Variants in TANC1 observed in about 807,000 individuals in gnomAD.
The protein encoded by TANC1 is protein TANC1.
Under a neutral mutation model 149.7 loss-of-function variants are expected in TANC1, and 77 were observed. The ratio of observed to expected loss-of-function variants is 0.51; its 90% confidence interval spans 0.43 to 0.62. The LOEUF (loss-of-function observed/expected upper bound fraction) is 0.62. TANC1 is among the 20% of genes least tolerant of loss of function. The pLI, the probability that TANC1 is intolerant of heterozygous loss-of-function variation, is 0.00. For synonymous variants in TANC1, 854 were observed against 925.0 expected (o/e 0.92, Z 1.39); for missense variants, 1,985 against 2,321.8 (o/e 0.85, Z 2.98).
intron 3 of TANC1, among the ~76,000 whole-genome samples, chr2:159,078,602 T>G (rs1448757090): frequency 6.6e-6 from 1 of 152,200 alleles, no homozygotes; most frequent in East Asian, 1.9e-4. Flanking sequence ...ATTAAACCTC[T>G]TAGAGCTACA....
At chr2:159,138,029 G>T (rs930404639) in intron 5 of TANC1, among the ~76,000 whole-genome samples, 1 of 152,134 alleles carries the variant, frequency 6.6e-6, no homozygotes, top group Non-Finnish European at 1.5e-5. Flanking sequence ...CTTTCTTGAC[G>T]AATGGAAGTG....
chr2:159,172,345 G>C, intron 11 of TANC1, 73 bp downstream of exon 11: 4 of 1,450,630 alleles, frequency 2.8e-6, no homozygotes, highest in Non-Finnish European at 2.8e-6. Flanking sequence ...AAGTAGATTG[G>C]AAAAGGGAGC....
intron 4 of TANC1, among the ~76,000 whole-genome samples, chr2:159,123,763 GTA>G (rs2150110939): frequency 6.6e-6 from 1 of 152,294 alleles, no homozygotes; most frequent in African/African-American, 2.4e-5. Flanking sequence ...GCTAAACACT[GTA>G]AAGAAGCTAA....
At chr2:159,074,917 T>A (rs999466539) in intron 3 of TANC1, among the ~76,000 whole-genome samples, 1 of 152,124 alleles carries the variant, frequency 6.6e-6, no homozygotes, top group Non-Finnish European at 1.5e-5. Context: ...TCTCTTCTTA[T>A]AAGAGCGCTA....
At chr2:158,979,553 G>C (rs2034068817) in intron 1 of TANC1, among the ~76,000 whole-genome samples, 1 of 151,980 alleles carries the variant, frequency 6.6e-6, no homozygotes, top group Non-Finnish European at 1.5e-5. Context: ...GGGAATCTGT[G>C]GGGCTTTTAT....
chr2:159,033,926 A>G (rs2039979827), intron 2 of TANC1, among the ~76,000 whole-genome samples: 1 of 152,222 alleles, frequency 6.6e-6, no homozygotes, highest in African/African-American at 2.4e-5. Context: ...TTGGTGAGCA[A>G]GAAAATATGG....
At chr2:158,979,536 T>G (rs2034067374) in intron 1 of TANC1, among the ~76,000 whole-genome samples, 1 of 151,698 alleles carries the variant, frequency 6.6e-6, no homozygotes, top group African/African-American at 2.4e-5. Context: ...ACCGTTTTCA[T>G]AAAGATGGGA....
chr2:159,115,604 C>T (rs1321895089), intron 4 of TANC1, among the ~76,000 whole-genome samples: 1 of 152,114 alleles, frequency 6.6e-6, no homozygotes, highest in Non-Finnish European at 1.5e-5. Context: ...AACTGTCCCT[C>T]GGGCACTGCC....
chr2:159,202,906 C>T (rs1216508092), intron 19 of TANC1, among the ~76,000 whole-genome samples: 1 of 152,134 alleles, frequency 6.6e-6, no homozygotes, highest in African/African-American at 2.4e-5. Context: ...TGCTGTGAAT[C>T]AGCCCAAGCC....
At chr2:159,075,687 T>TA (rs917779117) in intron 3 of TANC1, among the ~76,000 whole-genome samples, 89 of 151,916 alleles carry the variant, frequency 5.9e-4, no homozygotes, top group Non-Finnish European at 1.1e-3. Context: ...TTTTTTTGTA[T>TA]AAAAAAAAGC....
At chr2:159,064,870 G>C (rs1257604636) in intron 2 of TANC1, among the ~76,000 whole-genome samples, 1 of 152,136 alleles carries the variant, frequency 6.6e-6, no homozygotes, top group Non-Finnish European at 1.5e-5. Context: ...CTCCTACATA[G>C]GAGTTTCTCC....
In TANC1 at chr2:158,975,465, A is replaced by G. The variant is rs1283483794; in HGVS notation, c.-126+6683A>G. On this transcript the variant is annotated intron_variant, in intron 1 of 26. Transcript: ENST00000263635. ...TTTTGCCAGTGACTCATTAATGAAT[A>G]TGTATGTGACGCCTGTTAGGTCCTG... Among the ~76,000 whole-genome samples the G allele has an allele frequency of 3.3e-5, 5 of 152,300 alleles. No individual in the cohort carries two copies. The South Asian group carries it at 6.2e-4, about 19-fold the overall frequency.
rs576693915 is a variant in TANC1, at chr2:159,196,173, G to A, written c.2980-435G>A. 5.3e-5 allele frequency among the ~76,000 whole-genome samples: 8 copies of A among 152,128 alleles called. No individual in the cohort carries two copies. In the East Asian group the frequency reaches 1.4e-3, roughly 26 times the overall value. On this transcript the variant is annotated intron_variant, in intron 17 of 26. Transcript: ENST00000263635. ...TTTTTCCACATCCCTCTCTTTCTTCGGATCCCCTGGCTCAGTGACCAGAGA... is the reference window on the plus strand; with the variant it reads ...TTTTTCCACATCCCTCTCTTTCTTCAGATCCCCTGGCTCAGTGACCAGAGA...
At chr2:159,212,438 ATGTATAT>A (rs2059051080) in intron 19 of TANC1, among the ~76,000 whole-genome samples, 1 of 152,186 alleles carries the variant, frequency 6.6e-6, no homozygotes, top group Admixed American at 6.5e-5. Flanking sequence ...AATCCAGAAA[ATGTATAT>A]TGTAGGAGAG....
chr2:159,109,529 A>G (rs971858088), intron 4 of TANC1, among the ~76,000 whole-genome samples: 2 of 152,206 alleles, frequency 1.3e-5, no homozygotes, highest in Non-Finnish European at 2.9e-5. Flanking sequence ...TCTGTTAGCC[A>G]TGTGAGAATA....
At chr2:159,137,568 G>T (rs1005229198) in intron 5 of TANC1, among the ~76,000 whole-genome samples, 2 of 152,222 alleles carry the variant, frequency 1.3e-5, no homozygotes, top group Non-Finnish European at 2.9e-5. Context: ...AGATTCCACT[G>T]TGGTGTCTGG....
chr2:159,227,877 G>C lies in TANC1; in HGVS notation c.3962G>C (p.Arg1321Pro). 6.2e-7 allele frequency: 1 copy of C among 1,614,110 alleles called. No homozygotes were observed. Among genetic ancestry groups the C allele is most frequent in the Non-Finnish European group, 8.5e-7 (1 of 1,179,972 alleles). Residue 1321 changes from arginine to proline, a missense_variant, in exon 25 of 27, where the codon CGA becomes CCA. This residue lies in a region of TANC1 where 920 missense variants were observed against 994.7 expected (regional missense o/e 0.92). Coordinates refer to ENST00000263635, the MANE Select transcript of TANC1 (RefSeq NM_033394.3). Reference protein sequence around the residue: ...RYQYALRKFPREGFGEDMRPF... With the variant: ...RYQYALRKFPPEGFGEDMRPF... Reference sequence around the variant, plus strand: ...CAGTATGCCTTAAGAAAGTTTCCTCGAGAAGGATTCGGAGAGGACATGAGA... The same window carrying C: ...CAGTATGCCTTAAGAAAGTTTCCTCCAGAAGGATTCGGAGAGGACATGAGA...
rs192083632 is a variant in TANC1 at position 159,192,737 on chromosome 2, C to T, written c.2743-1520C>T. Reference sequence around the variant, plus strand: ...TAATCTTGGCTCATTGCAGCCTCCACCTCCTGCGTTCAAGCGATTCTCCTG... The same window carrying T: ...TAATCTTGGCTCATTGCAGCCTCCATCTCCTGCGTTCAAGCGATTCTCCTG... On this transcript the variant is annotated intron_variant, in intron 16 of 26. Coordinates refer to ENST00000263635, the MANE Select transcript of TANC1 (RefSeq NM_033394.3). 2.4e-3 allele frequency among the ~76,000 whole-genome samples: 371 copies of T among 152,290 alleles called. 1 individual carries two copies. The highest frequency in any genetic ancestry group is 2.6e-3 in the Non-Finnish European group (175 of 68,018).
At chr2:159,183,892 T>C (rs937370942) in intron 14 of TANC1, among the ~76,000 whole-genome samples, 1 of 152,130 alleles carries the variant, frequency 6.6e-6, no homozygotes, top group Non-Finnish European at 1.5e-5. Flanking sequence ...TGCATATCGT[T>C]TGCGTGTCCC....
Sources: allele counts gnomAD v4.1 joint callset (sites outside exome capture counted in the v4.1 genomes callset), GRCh38; gene constraint gnomAD v4.1.1; regional missense constraint gnomAD v4.1.1; transcripts MANE v1.5; gene names NCBI Gene and HGNC (gene_info 2026-07-23, HGNC 2026-07-21).